Variants in C14orf132 observed in about 807,000 individuals in gnomAD.
The protein encoded by C14orf132 is chromosome 14 open reading frame 132.
Under a neutral mutation model 5.8 loss-of-function variants are expected in C14orf132, and 6 were observed. The ratio of observed to expected loss-of-function variants is 1.03; its 90% CI spans 0.57 to 2.04. The LOEUF (loss-of-function observed/expected upper bound fraction) is 2.04, where lower values mean the gene tolerates loss of function less well. Ranked by LOEUF, C14orf132 falls within the 30% of genes most tolerant of loss-of-function variation. The pLI, the probability that C14orf132 is intolerant of heterozygous loss-of-function variation, is 0.00. For synonymous variants in C14orf132, 51 were observed against 49.8 expected (o/e 1.02, Z -0.10); for missense variants, 125 against 115.8 (o/e 1.08, Z -0.37).
chr14:96,080,817 A>G (rs969456198), intron 1 of C14orf132, among the ~76,000 whole-genome samples: 4 of 152,122 alleles, frequency 2.6e-5, no homozygotes, highest in Non-Finnish European at 2.9e-5. Flanking sequence ...GTGCCCCGAC[A>G]CTGCGGGGCA....
rs1429032180 is a variant in C14orf132, at chr14:96,090,641, T to C, written c.*3906T>C. On this transcript the variant is annotated 3_prime_UTR_variant, in exon 2 of 2. Coordinates refer to ENST00000555004, the MANE Select transcript of C14orf132 (RefSeq NM_001252507.3). Reference sequence around the variant, plus strand: ...GCAAATAAGACTCCCTGCTCCACTCTACCCCCCAGAGAGAAATGATTCTCG... The same window carrying C: ...GCAAATAAGACTCCCTGCTCCACTCCACCCCCCAGAGAGAAATGATTCTCG... 2.2e-6 allele frequency: 1 copy of C among 455,976 alleles called. No homozygotes were observed. The highest frequency in any genetic ancestry group is 7.0e-5 in the East Asian group (1 of 14,372). The allele number at this position is 455,976 out of a possible 1,614,324, so 28.2% of individuals were successfully genotyped here.
intron 1 of C14orf132, among the ~76,000 whole-genome samples, chr14:96,046,423 A>G (rs1362086302): frequency 1.3e-5 from 2 of 152,224 alleles, no homozygotes; most frequent in Non-Finnish European, 2.9e-5. Context: ...TGCCAAGCCC[A>G]GTAGAAAAGT....
rs560434714 is a variant in C14orf132 at position 96,085,264 on chromosome 14, G to T, written c.28-1247G>T. Among the ~76,000 whole-genome samples the T allele has an allele frequency of 6.6e-5, 10 of 152,352 alleles. No homozygotes were observed. In the South Asian group the frequency reaches 1.2e-3, roughly 19 times the overall value. ...CTGTCTCATGCGGTGCTCGGTAACT[G>T]TGCATCCGATGCAGGCCTCACTGTG... is the stretch of plus-strand genomic sequence containing the variant. On this transcript the variant is annotated intron_variant, in intron 1 of 1. Transcript: ENST00000555004.
chr14:96,048,890 A>G (rs1886912873), intron 1 of C14orf132, among the ~76,000 whole-genome samples: 1 of 152,070 alleles, frequency 6.6e-6, no homozygotes, highest in Non-Finnish European at 1.5e-5. Flanking sequence ...TTGTTTGTCC[A>G]TTCACCTATT....
Position 96,088,292 on chromosome 14 carries a change from C to T in C14orf132, c.*1557C>T, listed in dbSNP as rs1291869570. 1 of 152,202 alleles carries T rather than the reference C, an allele frequency of 6.6e-6. No individual in the cohort carries two copies. The highest frequency in any genetic ancestry group is 1.5e-5 in the Non-Finnish European group (1 of 68,048). 9.4% of individuals were successfully genotyped at this position (152,202 alleles called of 1,614,324 possible). On this transcript the variant is annotated 3_prime_UTR_variant, in exon 2 of 2. Coordinates refer to ENST00000555004, the MANE Select transcript of C14orf132 (RefSeq NM_001252507.3). ...GCCGCCATGTTAATAGGATTACTAG[C>T]CTGGCTCCAGACAGTGCCTGCTCAT...
intron 1 of C14orf132, 128 bp from the exon 2 acceptor site, chr14:96,086,383 C>A (rs1022139264): frequency 3.9e-6 from 3 of 762,930 alleles, no homozygotes; most frequent in Non-Finnish European, 6.2e-6. Flanking sequence ...AAGCAAAGCC[C>A]CATTTTGCAG....
rs1053539202 is a variant in C14orf132, at chr14:96,042,138, G to A, written c.27+2611G>A. On this transcript the variant is annotated intron_variant, in intron 1 of 1. Coordinates refer to ENST00000555004, the MANE Select transcript of C14orf132 (RefSeq NM_001252507.3). The stretch of plus-strand genomic sequence containing the variant: ...GGGCTGAAGATGGATTAGAACTGTA[G>A]GCATATATCTCCTGGTGGGCCTGGG... Among the ~76,000 whole-genome samples the A allele has an allele frequency of 4.6e-5, 7 of 152,322 alleles. No homozygotes were observed. In the East Asian group the frequency reaches 9.7e-4, roughly 21 times the overall value.
Position 96,087,322 on chromosome 14 carries a change from G to C in C14orf132, c.*587G>C, listed in dbSNP as rs181742291. 35 of 152,350 alleles carry C rather than the reference G, an allele frequency of 2.3e-4. No individual in the cohort carries two copies. The highest frequency in any genetic ancestry group is 8.3e-4 in the African/African-American group (34 of 41,116). The allele number at this position is 152,350 out of a possible 1,614,324, so 9.4% of individuals were successfully genotyped here. On this transcript the variant is annotated 3_prime_UTR_variant, in exon 2 of 2. Transcript: ENST00000555004. Reference sequence around the variant, plus strand: ...CAAGTGCATTGGGAGACCCAGGGATGGGGGGTTACTGGTAATAGGTGGGGT... The same window carrying C: ...CAAGTGCATTGGGAGACCCAGGGATCGGGGGTTACTGGTAATAGGTGGGGT...
chr14:96,059,827 C>T (rs548835408), intron 1 of C14orf132, among the ~76,000 whole-genome samples: 57 of 152,328 alleles, frequency 3.7e-4, no homozygotes, highest in African/African-American at 1.3e-3. Flanking sequence ...GGAGCTTTCT[C>T]CTGCTGAGGG....
At chr14:96,063,003 T>G (rs1397956462) in intron 1 of C14orf132, among the ~76,000 whole-genome samples, 1 of 151,950 alleles carries the variant, frequency 6.6e-6, no homozygotes, top group Non-Finnish European at 1.5e-5. Context: ...CTGCCCAGAG[T>G]CACAAAAAGA....
At position 96,039,534 on chromosome 14, in the gene C14orf132, G is replaced by A. The variant is rs1235792303; in HGVS notation, c.27+7G>A. 8.7e-6 allele frequency: 13 copies of A among 1,502,308 alleles called. No individual in the cohort carries two copies. The highest frequency in any genetic ancestry group is 1.2e-5 in the Non-Finnish European group (13 of 1,128,946). 93.1% of individuals were successfully genotyped at this position (1,502,308 alleles called of 1,614,324 possible). ...CTCCTTTATGGCCGCGCAGGTAACG[G>A]GGCGTCCCCCCCACGCGCCCCGGGC... On this transcript the variant is annotated splice_region_variant and intron_variant, in intron 1 of 1. Coordinates refer to ENST00000555004, the MANE Select transcript of C14orf132 (RefSeq NM_001252507.3). This position sits in a 1 kb window ranked among gnomAD's most constrained non-coding sequence, Gnocchi z 5.3.
At chr14:96,067,742 T>C (rs1168760538) in intron 1 of C14orf132, among the ~76,000 whole-genome samples, 1 of 151,352 alleles carries the variant, frequency 6.6e-6, no homozygotes, top group East Asian at 1.9e-4. Flanking sequence ...TAGGTCCCAG[T>C]GTCATTGTGC....
chr14:96,064,361 T>TACACACACACACAC (rs755164695), intron 1 of C14orf132, among the ~76,000 whole-genome samples: 196 of 97,846 alleles, frequency 2.0e-3, no homozygotes, highest in Middle Eastern at 9.5e-3. Context: ...AGGGTGCATA[T>TACACACACACACAC]ATACACACAC....
At chr14:96,049,778 G>A (rs1468871094) in intron 1 of C14orf132, among the ~76,000 whole-genome samples, 1 of 130,758 alleles carries the variant, frequency 7.6e-6, no homozygotes, top group South Asian at 2.4e-4. Context: ...TTTTTTTTTG[G>A]TCTTTGTTTC....
intron 1 of C14orf132, among the ~76,000 whole-genome samples, chr14:96,061,558 T>G (rs1409747282): frequency 6.6e-6 from 1 of 152,216 alleles, no homozygotes; most frequent in Non-Finnish European, 1.5e-5. Context: ...TCTGTGGGTT[T>G]AACTTATTGT....
chr14:96,085,517 C>T (rs977482505), intron 1 of C14orf132, among the ~76,000 whole-genome samples: 1 of 152,236 alleles, frequency 6.6e-6, no homozygotes. Flanking sequence ...GTCTGAGCAG[C>T]AGAGAACCTT....
chr14:96,052,392 G>C (rs1277098068), intron 1 of C14orf132, among the ~76,000 whole-genome samples: 1 of 152,196 alleles, frequency 6.6e-6, no homozygotes, highest in African/African-American at 2.4e-5. Context: ...CTCCCCCCGG[G>C]AGAGGCTATA....
chr14:96,066,020 A>G (rs1363473426), intron 1 of C14orf132, among the ~76,000 whole-genome samples: 1 of 152,186 alleles, frequency 6.6e-6, no homozygotes, highest in African/African-American at 2.4e-5. Context: ...AGCTGAGCCA[A>G]CAGAGGCACA....
intron 1 of C14orf132, among the ~76,000 whole-genome samples, chr14:96,079,379 C>T (rs1887966069): frequency 6.6e-6 from 1 of 152,218 alleles, no homozygotes; most frequent in Admixed American, 6.5e-5. Context: ...TGAATCCCAA[C>T]CTGTGTTGCC....
Sources: allele counts gnomAD v4.1 joint callset (sites outside exome capture counted in the v4.1 genomes callset), GRCh38; gene constraint gnomAD v4.1.1; non-coding constraint Gnocchi (gnomAD v3.1); transcripts MANE v1.5; gene names NCBI Gene and HGNC (gene_info 2026-07-23, HGNC 2026-07-21).